FOXK1: variants seen among roughly 807,000 people sequenced by gnomAD.
FOXK1 encodes forkhead box protein K1.
Under a neutral mutation model 51.9 loss-of-function variants are expected in FOXK1, and 19 were observed. The observed-to-expected ratio is 0.37, with a 90% CI of 0.26 to 0.54. FOXK1 has a LOEUF of 0.54. Among genes scored for constraint, FOXK1 ranks in the 20% least tolerant of loss-of-function variants. The pLI is 0.87. For missense variants in FOXK1, 870 were observed against 1,032.7 expected, an observed-to-expected ratio of 0.84 and a Z score of 2.16; for synonymous variants, 537 against 482.6, an observed-to-expected ratio of 1.11 and a Z score of -1.48.
At position 4,707,671 on chromosome 7, in the gene FOXK1, G is replaced by A. The variant is rs1684781570; in HGVS notation, c.560+24803G>A. On this transcript the variant is annotated intron_variant, in intron 1 of 8. Coordinates refer to ENST00000328914, the MANE Select transcript of FOXK1 (RefSeq NM_001037165.2). This position sits in a 1 kb window ranked among gnomAD's most constrained non-coding sequence, Gnocchi z 4.1. ...ATTCGTATCTGATTCATGCGTGTGC[G>A]ACCAGTACTCCATTTCACTTTTTTT... 6.7e-6 allele frequency among the ~76,000 whole-genome samples: 1 copy of A among 150,272 alleles called. No individual in the cohort carries two copies. The highest frequency in any genetic ancestry group is 2.5e-5 in the African/African-American group (1 of 40,010).
rs553686492 is a variant in FOXK1 at position 4,711,379 on chromosome 7, G to A, written c.560+28511G>A. Among the ~76,000 whole-genome samples, 4 of 152,272 alleles carry A rather than the reference G, an allele frequency of 2.6e-5. No homozygotes were observed. The highest frequency in any genetic ancestry group is 2.1e-4 in the South Asian group (1 of 4,828). On this transcript the variant is annotated intron_variant, in intron 1 of 8. Transcript: ENST00000328914. The surrounding 1 kb of genome is among the most constrained non-coding windows in gnomAD (Gnocchi z 6.3). The stretch of plus-strand genomic sequence containing the variant: ...TTCCTGTGAGAGGGTGTGGCAGTCC[G>A]GGGGTGGGTCCCAGCCAGCCGCCAG...
chr7:4,720,667 T>C (rs1780296931), intron 1 of FOXK1, among the ~76,000 whole-genome samples: 1 of 151,868 alleles, frequency 6.6e-6, no homozygotes. Context: ...TAGGCAGACC[T>C]GTTGGAAACT....
chr7:4,760,353 G>A (rs919928207), intron 7 of FOXK1, among the ~76,000 whole-genome samples: 2 of 152,174 alleles, frequency 1.3e-5, no homozygotes, highest in African/African-American at 2.4e-5. Flanking sequence ...TCTCCGGAAC[G>A]CCTGCAGTTA....
intron 1 of FOXK1, among the ~76,000 whole-genome samples, chr7:4,705,689 C>T (rs972123610): frequency 7.9e-5 from 12 of 151,820 alleles, no homozygotes; most frequent in African/African-American, 2.9e-4. Flanking sequence ...CAGGCTTGTG[C>T]CACCATGCCC....
In FOXK1 at chr7:4,761,005, C is replaced by T. The variant is rs1583213698; in HGVS notation, c.1697-59C>T. ...CTTGTCCGACCTGCTGCCCAGGCGT[C>T]GAGGAAATCGATTGTCTCGTTGGCC... is the stretch of plus-strand genomic sequence containing the variant. On this transcript the variant is annotated intron_variant, in intron 7 of 8. Coordinates refer to ENST00000328914, the MANE Select transcript of FOXK1 (RefSeq NM_001037165.2). This position sits in a 1 kb window ranked among gnomAD's most constrained non-coding sequence, Gnocchi z 6.2. 12 of 1,529,192 alleles carry T rather than the reference C, an allele frequency of 7.8e-6. No homozygotes were observed. The highest frequency in any genetic ancestry group is 5.7e-5 in the South Asian group (5 of 88,478). 94.7% of individuals were successfully genotyped at this position (1,529,192 alleles called of 1,614,324 possible). A position where few individuals can be genotyped will look rare whatever the true frequency, so the allele number is the denominator to read the frequency against.
chr7:4,727,796 G>T lies in FOXK1; in HGVS notation c.561-13042G>T, dbSNP rs111462019. Among the ~76,000 whole-genome samples the T allele has an allele frequency of 3.4e-3, 514 of 152,322 alleles. 3 individuals are homozygous for T. The highest frequency in any genetic ancestry group is 0.012 in the African/African-American group (480 of 41,560). On this transcript the variant is annotated intron_variant, in intron 1 of 8. Coordinates refer to ENST00000328914, the MANE Select transcript of FOXK1 (RefSeq NM_001037165.2). ...CGCACGGAGGAAACACTTTACCAGA[G>T]TAAACGAGATTATAACTTGTTTGCC...
Position 4,758,145 on chromosome 7 carries a change from T to G in FOXK1, c.1245-906T>G, listed in dbSNP as rs1242370092. 2 of 152,310 alleles carry G rather than the reference T, an allele frequency of 1.3e-5. No homozygotes were observed. The highest frequency in any genetic ancestry group is 2.9e-5 in the Non-Finnish European group (2 of 68,074). The allele number at this position is 152,310 out of a possible 1,614,324, so 9.4% of individuals were successfully genotyped here. A position where few individuals can be genotyped will look rare whatever the true frequency, so the allele number is the denominator to read the frequency against. ...AGAGGACCCGGGGAGAGCCCAATCTTCGAAGGGACAGATGAGGGGTATGAC... is the reference window on the plus strand; with the variant it reads ...AGAGGACCCGGGGAGAGCCCAATCTGCGAAGGGACAGATGAGGGGTATGAC... On this transcript the variant is annotated intron_variant, in intron 5 of 8. Coordinates refer to ENST00000328914, the MANE Select transcript of FOXK1 (RefSeq NM_001037165.2). The surrounding 1 kb of genome is among the most constrained non-coding windows in gnomAD (Gnocchi z 4.4).
chr7:4,702,898 G>T (rs1045293627), intron 1 of FOXK1, among the ~76,000 whole-genome samples: 2 of 152,126 alleles, frequency 1.3e-5, no homozygotes, highest in East Asian at 3.9e-4. Context: ...GTCCCTCTGG[G>T]TGACAGACCC....
At chr7:4,687,425 T>C (rs1779835254) in intron 1 of FOXK1, among the ~76,000 whole-genome samples, 1 of 151,984 alleles carries the variant, frequency 6.6e-6, no homozygotes, top group Admixed American at 6.6e-5. Context: ...CCTGAGTAGC[T>C]GGGATTACAG....
Position 4,741,021 on chromosome 7 carries a change from C to T in FOXK1, c.744C>T (p.Ile248=), listed in dbSNP as rs746258263. The change falls in exon 2 of 9, where the codon ATC becomes ATT. Residue 248 remains isoleucine, a splice_region_variant and synonymous_variant. Transcript: ENST00000328914. ...VSPVPSPTGT[I]SVPNSCPASP... Reference sequence around the variant, plus strand: ...CCGTCCCCTCCCCGACGGGCACCATCAGGTGAGTAGCCCCCCAGCCTGCCC... The same window carrying T: ...CCGTCCCCTCCCCGACGGGCACCATTAGGTGAGTAGCCCCCCAGCCTGCCC... The T allele has an allele frequency of 6.6e-7, 1 of 1,515,872 alleles. No homozygotes were observed. Among genetic ancestry groups the T allele is most frequent in the Non-Finnish European group, 8.8e-7 (1 of 1,139,910 alleles). 93.9% of individuals were successfully genotyped at this position (1,515,872 alleles called of 1,614,324 possible). A position where few individuals can be genotyped will look rare whatever the true frequency, so the allele number is the denominator to read the frequency against.
Position 4,770,392 on chromosome 7 carries a change from G to T in FOXK1, c.*7928G>T, listed in dbSNP as rs184066722. 1 of 152,152 alleles carries T rather than the reference G, an allele frequency of 6.6e-6. No individual in the cohort carries two copies. Among genetic ancestry groups the T allele is most frequent in the Non-Finnish European group, 1.5e-5 (1 of 68,058 alleles). 9.4% of individuals were successfully genotyped at this position (152,152 alleles called of 1,614,324 possible). The stretch of plus-strand genomic sequence containing the variant: ...TAAAAATACAAAAAATTAGCCAGGC[G>T]TGGTGGCGTGTGCCTGTAATCCCAG... On this transcript the variant is annotated 3_prime_UTR_variant, in exon 9 of 9. Coordinates refer to ENST00000328914, the MANE Select transcript of FOXK1 (RefSeq NM_001037165.2).
chr7:4,685,757 A>G (rs1040565196), intron 1 of FOXK1, among the ~76,000 whole-genome samples: 1 of 151,892 alleles, frequency 6.6e-6, no homozygotes, highest in East Asian at 2.0e-4. Flanking sequence ...ACCCTGGCCA[A>G]TGTGGCAAAA....
Position 4,682,582 on chromosome 7 carries a change from G to A in FOXK1, c.274G>A (p.Ala92Thr), listed in dbSNP as rs1189896243. The A allele has an allele frequency of 4.0e-6, 5 of 1,244,940 alleles. No individual in the cohort carries two copies. The highest frequency in any genetic ancestry group is 1.6e-5 in the African/African-American group (1 of 63,446). The allele number at this position is 1,244,940 out of a possible 1,614,324, so 77.1% of individuals were successfully genotyped here. ...CGCGGGCGCGGCGCCGGCCCTGGTG[G>A]CCGCGGCGGCCGCCTCGGTACGGCA... ...AVAGAAPALVAAAAASVRQSP... is the reference protein window; with the variant it reads ...AVAGAAPALVTAAAASVRQSP... The change falls in exon 1 of 9, where the codon GCC becomes ACC. Residue 92 changes from alanine (A) to threonine (T), a missense_variant. Coordinates refer to ENST00000328914, the MANE Select transcript of FOXK1 (RefSeq NM_001037165.2). The surrounding 1 kb of genome is among the most constrained non-coding windows in gnomAD (Gnocchi z 7.6).
intron 1 of FOXK1, among the ~76,000 whole-genome samples, chr7:4,689,566 C>T (rs1253734053): frequency 1.3e-5 from 2 of 152,172 alleles, no homozygotes; most frequent in Non-Finnish European, 2.9e-5. Context: ...TACGACGTCG[C>T]ATGTTACCTG....
At chr7:4,746,570 C>T (rs558508724) in intron 2 of FOXK1, among the ~76,000 whole-genome samples, 7 of 152,072 alleles carry the variant, frequency 4.6e-5, no homozygotes, top group Non-Finnish European at 7.4e-5. Flanking sequence ...TGTCTTTAGA[C>T]CCAGCTACTC....
intron 1 of FOXK1, among the ~76,000 whole-genome samples, chr7:4,732,710 C>T (rs1279491087): frequency 1.3e-5 from 2 of 152,192 alleles, no homozygotes; most frequent in African/African-American, 4.8e-5. Context: ...TTAAAGCATC[C>T]TGATTAACAG....
At chr7:4,689,220 C>T (rs1031773291) in intron 1 of FOXK1, among the ~76,000 whole-genome samples, 14 of 151,968 alleles carry the variant, frequency 9.2e-5, no homozygotes, top group Admixed American at 3.3e-4. Flanking sequence ...TCAGGTGATC[C>T]GCCCACCTCA....
intron 1 of FOXK1, among the ~76,000 whole-genome samples, chr7:4,736,103 C>T (rs887007728): frequency 6.6e-5 from 10 of 152,178 alleles, no homozygotes; most frequent in Admixed American, 5.9e-4. Flanking sequence ...GAGCCGAGAT[C>T]GCACCACTGC....
intron 2 of FOXK1, among the ~76,000 whole-genome samples, chr7:4,746,504 AC>A (rs1244757837): frequency 1.3e-5 from 2 of 151,030 alleles, no homozygotes; most frequent in Non-Finnish European, 2.9e-5. Flanking sequence ...GCATAGTGAG[AC>A]CCCCATCTCT....
Sources: gnomAD v4.1 joint callset for allele counts (sites outside exome capture counted in the v4.1 genomes callset) on GRCh38, gnomAD v4.1.1 for gene constraint, Gnocchi (gnomAD v3.1) non-coding constraint, MANE v1.5 for transcripts, NCBI Gene and HGNC (gene_info 2026-07-23, HGNC 2026-07-21) for gene names.